The following ARHGAP22 variants were observed in gnomAD, a reference collection of about 807,000 sequenced individuals.
ARHGAP22 encodes Rho GTPase activating protein 22, also known as rho GTPase-activating protein 22.
A neutral mutation model predicts 59.1 loss-of-function variants in ARHGAP22; 48 were observed. The ratio of observed to expected loss-of-function variants is 0.81; its 90% CI spans 0.64 to 1.03. The LOEUF (loss-of-function observed/expected upper bound fraction) is 1.03, where lower values mean the gene tolerates loss of function less well. Ranked by LOEUF, ARHGAP22 falls within the 50% of genes least tolerant of loss-of-function variation. The pLI is 0.00. For synonymous variants in ARHGAP22, 445 were observed against 416.4 expected, an observed-to-expected ratio of 1.07 and a Z score of -0.84; for missense variants, 1,015 against 958.7, an observed-to-expected ratio of 1.06 and a Z score of -0.78.
chr10:48,642,272 A>G (rs945465083), intron 1 of ARHGAP22, among the ~76,000 whole-genome samples: 2 of 152,262 alleles, frequency 1.3e-5, no homozygotes, highest in Non-Finnish European at 2.9e-5. Flanking sequence ...AAGAGCCCGC[A>G]TTGCCAAGAC....
intron 4 of ARHGAP22, among the ~76,000 whole-genome samples, chr10:48,473,384 G>A (rs2048402151): frequency 6.6e-6 from 1 of 152,166 alleles, no homozygotes; most frequent in Non-Finnish European, 1.5e-5. Flanking sequence ...GTTCTGGAGA[G>A]GGATGGTGGT....
At chr10:48,524,696 T>C (rs1221147510) in intron 3 of ARHGAP22, among the ~76,000 whole-genome samples, 1 of 152,076 alleles carries the variant, frequency 6.6e-6, no homozygotes, top group Non-Finnish European at 1.5e-5. Context: ...ACCTGTACTG[T>C]GCAGTAGTAG....
intron 3 of ARHGAP22, among the ~76,000 whole-genome samples, chr10:48,497,026 G>A (rs1037064138): frequency 6.6e-6 from 1 of 152,002 alleles, no homozygotes; most frequent in East Asian, 1.9e-4. Context: ...CACTGCACTG[G>A]GCCCTGGACC....
At chr10:48,584,547 TGGA>T (rs1564935886) in intron 1 of ARHGAP22, among the ~76,000 whole-genome samples, 1 of 152,198 alleles carries the variant, frequency 6.6e-6, no homozygotes, top group African/African-American at 2.4e-5. Flanking sequence ...GGGTGGGGAC[TGGA>T]GGAGATGATG....
intron 3 of ARHGAP22, among the ~76,000 whole-genome samples, chr10:48,547,724 C>T (rs957353290): frequency 6.6e-6 from 1 of 152,226 alleles, no homozygotes; most frequent in Non-Finnish European, 1.5e-5. Flanking sequence ...GCACTGCACA[C>T]TCAGGTCCTT....
At chr10:48,464,218 C>G (rs943999460) in intron 4 of ARHGAP22, among the ~76,000 whole-genome samples, 5 of 152,206 alleles carry the variant, frequency 3.3e-5, no homozygotes, top group Non-Finnish European at 7.3e-5. Context: ...GGATAAAGCC[C>G]AAACTTGGCA....
chr10:48,587,217 G>A (rs1012700887), intron 1 of ARHGAP22, among the ~76,000 whole-genome samples: 2 of 152,228 alleles, frequency 1.3e-5, no homozygotes, highest in African/African-American at 2.4e-5. Flanking sequence ...AAGCCAGCAA[G>A]GGGTTGAGCA....
intron 2 of ARHGAP22, 63 bp downstream of exon 2, chr10:48,582,890 T>C: frequency 6.4e-7 from 1 of 1,573,022 alleles, no homozygotes; most frequent in East Asian, 2.3e-5. Context: ...CTCCTGGGCA[T>C]GGTCTTCCCT....
At chr10:48,591,449 A>C (rs143400006) in intron 1 of ARHGAP22, among the ~76,000 whole-genome samples, 47 of 152,300 alleles carry the variant, frequency 3.1e-4, no homozygotes, top group Non-Finnish European at 5.4e-4. Context: ...GTGAATATGC[A>C]ATGGGAGAGA....
intron 2 of ARHGAP22, among the ~76,000 whole-genome samples, chr10:48,569,578 A>C (rs535306462): frequency 1.3e-5 from 2 of 152,368 alleles, no homozygotes; most frequent in South Asian, 4.1e-4. Flanking sequence ...TTTAACTATC[A>C]GTTTTCTACG....
intron 3 of ARHGAP22, among the ~76,000 whole-genome samples, chr10:48,495,326 T>C (rs141336108): frequency 3.2e-4 from 48 of 152,338 alleles, no homozygotes; most frequent in African/African-American, 1.1e-3. Context: ...AAAGCTTTCG[T>C]GTTTTATCTC....
At chr10:48,582,805 A>C (rs1049731636) in intron 2 of ARHGAP22, 148 bp downstream of exon 2, 1 of 856,164 alleles carries the variant, frequency 1.2e-6, no homozygotes, top group Admixed American at 2.8e-5. Flanking sequence ...ATGGGGGATA[A>C]GAATGAAAAT....
At chr10:48,539,360 C>G in intron 3 of ARHGAP22, among the ~76,000 whole-genome samples, 1 of 141,570 alleles carries the variant, frequency 7.1e-6, no homozygotes, top group Admixed American at 7.1e-5. Flanking sequence ...GGCGCGATCT[C>G]GGCTCACTGC....
chr10:48,517,029 AG>A (rs1284157151), intron 3 of ARHGAP22, among the ~76,000 whole-genome samples: 4 of 152,138 alleles, frequency 2.6e-5, no homozygotes, highest in Non-Finnish European at 5.9e-5. Context: ...GTATGAAAAC[AG>A]TTTCATGGTT....
At chr10:48,572,195 A>G (rs897106198) in intron 2 of ARHGAP22, among the ~76,000 whole-genome samples, 3 of 144,412 alleles carry the variant, frequency 2.1e-5, no homozygotes, top group East Asian at 2.3e-4. Flanking sequence ...CAACCAACCA[A>G]CACTTAAGTC....
intron 2 of ARHGAP22, among the ~76,000 whole-genome samples, chr10:48,558,342 T>C (rs1008545008): frequency 9.3e-5 from 4 of 43,198 alleles, no homozygotes; most frequent in Admixed American, 4.7e-4. Flanking sequence ...GATTTAATGT[T>C]TTTTTTTTGT....
At chr10:48,558,354 TTTTTG>T (rs777569383) in intron 2 of ARHGAP22, among the ~76,000 whole-genome samples, 2 of 150,670 alleles carry the variant, frequency 1.3e-5, no homozygotes, top group Non-Finnish European at 3.0e-5. Flanking sequence ...TTTTTTTGTT[TTTTTG>T]TTTTGTTTTG....
At chr10:48,649,388 C>T (rs930921738) in intron 1 of ARHGAP22, among the ~76,000 whole-genome samples, 2 of 152,172 alleles carry the variant, frequency 1.3e-5, no homozygotes, top group Non-Finnish European at 2.9e-5. Context: ...AGCCTCCCTA[C>T]CCCAGGCTGC....
chr10:48,471,145 G>C (rs2048190894), intron 4 of ARHGAP22, among the ~76,000 whole-genome samples: 1 of 152,128 alleles, frequency 6.6e-6, no homozygotes. Flanking sequence ...GAACCCAAGG[G>C]CAGGAGAGTT....
Sources: allele counts gnomAD v4.1 joint callset (sites outside exome capture counted in the v4.1 genomes callset), GRCh38; gene constraint gnomAD v4.1.1; transcripts MANE v1.5; gene names NCBI Gene and HGNC (gene_info 2026-07-23, HGNC 2026-07-21).